INPP4B: variants seen among roughly 807,000 people sequenced by gnomAD.
The protein encoded by INPP4B is inositol polyphosphate-4-phosphatase type II B, also known as inositol polyphosphate 4-phosphatase type II.
In INPP4B, 55 loss-of-function variants were observed where a neutral mutation model predicts 122.5. The ratio of observed to expected loss-of-function variants is 0.45; its 90% CI spans 0.36 to 0.56. The LOEUF is 0.56. Among genes scored for constraint, INPP4B ranks in the 20% least tolerant of loss-of-function variants. INPP4B has a pLI of 0.00. For synonymous variants in INPP4B, 403 were observed against 388.7 expected, an observed-to-expected ratio of 1.04 and a Z score of -0.43; for missense variants, 1,000 against 1,097.7, an observed-to-expected ratio of 0.91 and a Z score of 1.26.
At chr4:142,647,056 T>C (rs1056941192) in intron 2 of INPP4B, among the ~76,000 whole-genome samples, 2 of 152,212 alleles carry the variant, frequency 1.3e-5, no homozygotes, top group African/African-American at 4.8e-5. Context: ...GGGGAAAATC[T>C]TGGGCCTAAA....
chr4:142,789,251 A>G (rs1332054478), intron 1 of INPP4B, among the ~76,000 whole-genome samples: 1 of 152,154 alleles, frequency 6.6e-6, no homozygotes, highest in Non-Finnish European at 1.5e-5. Context: ...GACAAGAGAA[A>G]GAAATAAGGG....
intron 21 of INPP4B, among the ~76,000 whole-genome samples, chr4:142,116,256 G>C (rs1231875374): frequency 2.6e-5 from 4 of 152,092 alleles, no homozygotes; most frequent in Non-Finnish European, 5.9e-5. Flanking sequence ...AGATCAAGGA[G>C]ACAGAAAGTT....
chr4:142,574,313 A>G (rs1407693471), intron 2 of INPP4B, among the ~76,000 whole-genome samples: 1 of 151,946 alleles, frequency 6.6e-6, no homozygotes, highest in African/African-American at 2.4e-5. Context: ...CTGTTTCCTG[A>G]CCTAAAATCT....
chr4:142,071,277 A>G lies in INPP4B; in HGVS notation c.2642+10754T>C, dbSNP rs539025466. Among the ~76,000 whole-genome samples the G allele has an allele frequency of 4.6e-5, 7 of 152,362 alleles. No homozygotes were observed. The East Asian group carries it at 1.3e-3, about 29-fold the overall frequency. ...ATAAATGGTGCTGGGAAAACTGGCT[A>G]GCCATATGTAGAAAGTTGAAACTGG... is the stretch of plus-strand genomic sequence containing the variant. On this transcript the variant is annotated intron_variant, in intron 25 of 25. Coordinates refer to ENST00000262992, the MANE Select transcript of INPP4B (RefSeq NM_001101669.3).
At chr4:142,082,245 C>T in intron 24 of INPP4B, 60 bp from the exon 25 acceptor site, 1 of 1,347,372 alleles carries the variant, frequency 7.4e-7, no homozygotes, top group Non-Finnish European at 1.0e-6. Context: ...AAGTGTCGGC[C>T]TCCTCCAAAC....
intron 11 of INPP4B, among the ~76,000 whole-genome samples, chr4:142,244,088 T>A (rs1396727663): frequency 6.7e-6 from 1 of 150,182 alleles, no homozygotes; most frequent in African/African-American, 2.4e-5. Flanking sequence ...CAGGTCCCAG[T>A]GTGTGATGTT....
At chr4:142,352,485 A>T (rs1040161309) in intron 7 of INPP4B, among the ~76,000 whole-genome samples, 1 of 151,174 alleles carries the variant, frequency 6.6e-6, no homozygotes, top group African/African-American at 2.4e-5. Context: ...TTATAAATTA[A>T]TATATATCAT....
At chr4:142,428,635 A>AT (rs1324886281) in intron 5 of INPP4B, among the ~76,000 whole-genome samples, 1 of 152,048 alleles carries the variant, frequency 6.6e-6, no homozygotes, top group Admixed American at 6.6e-5. Flanking sequence ...AAAGTTACAA[A>AT]TTTTTACATG....
chr4:142,359,183 TAA>T (rs1215701371), intron 7 of INPP4B, among the ~76,000 whole-genome samples: 1 of 150,634 alleles, frequency 6.6e-6, no homozygotes, highest in Non-Finnish European at 1.5e-5. Context: ...TCCCTTTCTT[TAA>T]AAGACTGTAA....
intron 2 of INPP4B, among the ~76,000 whole-genome samples, chr4:142,665,523 G>GAAAA (rs1489976233): frequency 1.0e-4 from 15 of 146,948 alleles, no homozygotes; most frequent in Non-Finnish European, 1.8e-4. Context: ...AAGAAAGAAA[G>GAAAA]AAAAAGAAAA....
At chr4:142,586,167 G>T (rs977178537) in intron 2 of INPP4B, among the ~76,000 whole-genome samples, 1 of 151,828 alleles carries the variant, frequency 6.6e-6, no homozygotes, top group African/African-American at 2.4e-5. Flanking sequence ...AAAATTAGCT[G>T]GGCATAATGG....
chr4:142,349,273 T>C (rs1400757917), intron 7 of INPP4B, among the ~76,000 whole-genome samples: 2 of 152,060 alleles, frequency 1.3e-5, no homozygotes, highest in Admixed American at 6.6e-5. Context: ...GGACAACTGA[T>C]ATACGAGAGA....
At chr4:142,709,749 T>A (rs1354668589) in intron 2 of INPP4B, among the ~76,000 whole-genome samples, 2 of 152,194 alleles carry the variant, frequency 1.3e-5, no homozygotes, top group Non-Finnish European at 2.9e-5. Context: ...AATGCAAGAA[T>A]GGACTAATAC....
intron 16 of INPP4B, among the ~76,000 whole-genome samples, chr4:142,171,066 A>C (rs1825402009): frequency 1.3e-5 from 2 of 151,628 alleles, no homozygotes; most frequent in African/African-American, 2.4e-5. Context: ...CTTTTCCCCC[A>C]GACTATATGT....
chr4:142,396,926 G>A (rs1220830516), intron 7 of INPP4B, among the ~76,000 whole-genome samples: 1 of 152,104 alleles, frequency 6.6e-6, no homozygotes, highest in Non-Finnish European at 1.5e-5. Flanking sequence ...GCCTCAGGTT[G>A]TATGGGGTGG....
intron 7 of INPP4B, among the ~76,000 whole-genome samples, chr4:142,341,987 G>A (rs1778852366): frequency 6.6e-6 from 1 of 152,180 alleles, no homozygotes; most frequent in Non-Finnish European, 1.5e-5. Flanking sequence ...GAGACTCTGG[G>A]CAGAGGACTG....
At chr4:142,403,281 T>G (rs758089603) in intron 6 of INPP4B, among the ~76,000 whole-genome samples, 2 of 152,210 alleles carry the variant, frequency 1.3e-5, no homozygotes, top group Non-Finnish European at 1.5e-5. Flanking sequence ...TGCATCATTG[T>G]CAGAGCTGCC....
chr4:142,611,580 T>C (rs1742515374), intron 2 of INPP4B, among the ~76,000 whole-genome samples: 1 of 150,336 alleles, frequency 6.7e-6, no homozygotes, highest in African/African-American at 2.4e-5. Context: ...GTGCAAAAAA[T>C]AAATTGGCTT....
In INPP4B at chr4:142,217,414, A is replaced by G. The variant is rs1009951482; in HGVS notation, c.837-8388T>C. ...GACTGAATAAATGAAGTTTGCTTGC[A>G]GATTGTTGTTCTTATATTTTCCTAA... On this transcript the variant is annotated intron_variant, in intron 12 of 25. Coordinates refer to ENST00000262992, the MANE Select transcript of INPP4B (RefSeq NM_001101669.3). Among the ~76,000 whole-genome samples, 7 of 152,316 alleles carry G rather than the reference A, an allele frequency of 4.6e-5. No homozygotes were observed. In the South Asian group the frequency reaches 1.4e-3, roughly 32 times the overall value.
Sources: gnomAD v4.1 joint callset for allele counts (sites outside exome capture counted in the v4.1 genomes callset) on GRCh38, gnomAD v4.1.1 for gene constraint, MANE v1.5 for transcripts, NCBI Gene and HGNC (gene_info 2026-07-23, HGNC 2026-07-21) for gene names.